The following SRC variants were observed in gnomAD, a reference collection of about 807,000 sequenced individuals.
SRC encodes SRC proto-oncogene, non-receptor tyrosine kinase, also known as proto-oncogene tyrosine-protein kinase Src.
Under a neutral mutation model 62.9 loss-of-function variants are expected in SRC, and 13 were observed. The ratio of observed to expected loss-of-function variants is 0.21; its 90% CI spans 0.13 to 0.33. The LOEUF (loss-of-function observed/expected upper bound fraction) is 0.33. SRC is among the 10% of genes least tolerant of loss of function. The pLI, the probability that SRC is intolerant of heterozygous loss-of-function variation, is 1.00. For missense variants in SRC, 457 were observed against 737.3 expected (o/e 0.62, Z 4.40); for synonymous variants, 302 against 317.5 (o/e 0.95, Z 0.52).
At chr20:37,357,092 G>A (rs925312668) in intron 1 of SRC, among the ~76,000 whole-genome samples, 6 of 152,194 alleles carry the variant, frequency 3.9e-5, no homozygotes, top group Non-Finnish European at 7.4e-5. Flanking sequence ...TGTGGGGGGC[G>A]GCTTCCGGTC....
At chr20:37,376,224 T>C (rs1211766939) in intron 2 of SRC, among the ~76,000 whole-genome samples, 1 of 152,206 alleles carries the variant, frequency 6.6e-6, no homozygotes, top group Non-Finnish European at 1.5e-5. Flanking sequence ...ATGGCACATG[T>C]AGTAGGCATT....
chr20:37,390,388 CTTTTTTTTTTTTTT>C (rs562064689), intron 5 of SRC, among the ~76,000 whole-genome samples: 1 of 85,658 alleles, frequency 1.2e-5, no homozygotes, highest in Non-Finnish European at 2.4e-5. Flanking sequence ...TCTGATCTGG[CTTTTTTTTTTTTTT>C]TTTTTTTTTT....
chr20:37,403,749 A>C lies in SRC; in HGVS notation c.*370A>C. ...ACTCCGCTCACTGAACTCCTTCCCC[A>C]CTTCTGTGCCACCCCCGGTCTATGT... On this transcript the variant is annotated 3_prime_UTR_variant, in exon 14 of 14. Coordinates refer to ENST00000373578, the MANE Select transcript of SRC (RefSeq NM_198291.3). The surrounding 1 kb of genome is among the most constrained non-coding windows in gnomAD (Gnocchi z 7.1). 1 of 310,906 alleles carries C rather than the reference A, an allele frequency of 3.2e-6. No homozygotes were observed. The highest frequency in any genetic ancestry group is 6.1e-6 in the Non-Finnish European group (1 of 164,784). The allele number at this position is 310,906 out of a possible 1,614,324, so 19.3% of individuals were successfully genotyped here.
rs1227842649 is a variant in SRC at position 37,397,172 on chromosome 20, C to CTCT, written c.704-527_704-526insTCT. Among the ~76,000 whole-genome samples the CTCT allele has an allele frequency of 3.9e-5, 6 of 152,186 alleles. No homozygotes were observed. Among genetic ancestry groups the CTCT allele is most frequent in the Non-Finnish European group, 8.8e-5 (6 of 68,028 alleles). On this transcript the variant is annotated intron_variant, in intron 8 of 13. Coordinates refer to ENST00000373578, the MANE Select transcript of SRC (RefSeq NM_198291.3). This position sits in a 1 kb window ranked among gnomAD's most constrained non-coding sequence, Gnocchi z 4.1. ...CTGCTCCCTGCGCCCCTTTGTCCTC[C>CTCT]GCTTCTCCAGCCCTGCAGCTGTTCT...
intron 1 of SRC, among the ~76,000 whole-genome samples, chr20:37,348,619 T>G (rs1266981584): frequency 1.3e-5 from 2 of 151,978 alleles, no homozygotes; most frequent in African/African-American, 4.8e-5. Context: ...AGGGAGCTCT[T>G]TTTTCCCTTC....
intron 2 of SRC, among the ~76,000 whole-genome samples, chr20:37,376,813 T>G (rs1344292988): frequency 6.6e-6 from 1 of 152,192 alleles, no homozygotes; most frequent in East Asian, 1.9e-4. Context: ...CCACCTGTAG[T>G]TTTTGACTGC....
intron 1 of SRC, among the ~76,000 whole-genome samples, chr20:37,360,218 C>CTCTTTTTTT (rs1273945378): frequency 1.9e-5 from 2 of 105,630 alleles, no homozygotes; most frequent in African/African-American, 9.6e-5. Context: ...CTCTCTCTCT[C>CTCTTTTTTT]TTTTTTTTTT....
At chr20:37,388,970 G>C (rs944201154) in intron 5 of SRC, among the ~76,000 whole-genome samples, 3 of 152,124 alleles carry the variant, frequency 2.0e-5, no homozygotes, top group Non-Finnish European at 2.9e-5. Flanking sequence ...CTGTAAGAGT[G>C]GGGGGCTTTC....
intron 1 of SRC, among the ~76,000 whole-genome samples, chr20:37,360,041 T>C (rs1481349227): frequency 6.6e-6 from 1 of 152,018 alleles, no homozygotes; most frequent in East Asian, 1.9e-4. Flanking sequence ...CCTCCACACC[T>C]GTTCTATCCC....
intron 5 of SRC, among the ~76,000 whole-genome samples, chr20:37,391,162 C>T (rs917505940): frequency 7.2e-5 from 11 of 152,222 alleles, no homozygotes; most frequent in Admixed American, 7.2e-4. Context: ...GGCCAGCCTG[C>T]GGACTGCAGC....
At chr20:37,399,695 C>G (rs564672108) in intron 9 of SRC, among the ~76,000 whole-genome samples, 2 of 152,252 alleles carry the variant, frequency 1.3e-5, no homozygotes, top group Admixed American at 6.5e-5. Context: ...CAGGCACGCA[C>G]CACTACCACC....
chr20:37,376,788 C>A (rs975874586), intron 2 of SRC, among the ~76,000 whole-genome samples: 5 of 152,378 alleles, frequency 3.3e-5, no homozygotes, highest in East Asian at 3.9e-4. Flanking sequence ...CAGGCATGAG[C>A]CATTGTGCCC....
Position 37,397,807 on chromosome 20 carries a change from G to T in SRC, c.812G>T (p.Arg271Leu). The T allele has an allele frequency of 6.2e-7, 1 of 1,612,028 alleles. No individual in the cohort carries two copies. The highest frequency in any genetic ancestry group is 2.2e-5 in the East Asian group (1 of 44,862). The change falls in exon 9 of 14, where the codon CGG becomes CTG. Residue 271 changes from arginine (R) to leucine (L), a missense_variant. This residue lies in a region of SRC where 141 missense variants were observed against 198.4 expected (regional missense o/e 0.71). Transcript: ENST00000373578. This position sits in a 1 kb window ranked among gnomAD's most constrained non-coding sequence, Gnocchi z 4.1. ...DAWEIPRESLRLEVKLGQGCF... is the reference protein window; with the variant it reads ...DAWEIPRESLLLEVKLGQGCF... Reference sequence around the variant, plus strand: ...TGGGAGATCCCTCGGGAGTCGCTGCGGCTGGAGGTCAAGCTGGGCCAGGGC... The same window carrying T: ...TGGGAGATCCCTCGGGAGTCGCTGCTGCTGGAGGTCAAGCTGGGCCAGGGC...
chr20:37,368,349 C>T (rs992643877), intron 2 of SRC, among the ~76,000 whole-genome samples: 3 of 151,606 alleles, frequency 2.0e-5, no homozygotes, highest in Non-Finnish European at 4.4e-5. Flanking sequence ...ATTCGGGAGG[C>T]GGAGGTTGCA....
Position 37,405,647 on chromosome 20 carries a change from T to C in SRC, c.*2268T>C, listed in dbSNP as rs2070817709. On this transcript the variant is annotated 3_prime_UTR_variant, in exon 14 of 14. Transcript: ENST00000373578. Reference sequence around the variant, plus strand: ...GCACCTGGGAGAAGGACAAGGCACATCACAGGACTTCCCTGAGCATGACAA... The same window carrying C: ...GCACCTGGGAGAAGGACAAGGCACACCACAGGACTTCCCTGAGCATGACAA... 6.2e-6 allele frequency: 1 copy of C among 162,596 alleles called. No individual in the cohort carries two copies. The highest frequency in any genetic ancestry group is 6.5e-5 in the Admixed American group (1 of 15,496). 10.1% of individuals were successfully genotyped at this position (162,596 alleles called of 1,614,324 possible).
rs1209351409 is a variant in SRC, at chr20:37,356,523, G to C, written c.-246-8681G>C. ...TCTGGGATGGACAGGGGAGTGGTGG[G>C]GGGCAGGGTGGGGAGCTTCTGCCCC... On this transcript the variant is annotated intron_variant, in intron 1 of 13. Transcript: ENST00000373578. Among the ~76,000 whole-genome samples the C allele has an allele frequency of 3.3e-5, 5 of 152,072 alleles. No individual in the cohort carries two copies. In the East Asian group the frequency reaches 9.7e-4, roughly 30 times the overall value.
At chr20:37,389,418 C>T (rs1025836312) in intron 5 of SRC, among the ~76,000 whole-genome samples, 2 of 152,194 alleles carry the variant, frequency 1.3e-5, no homozygotes, top group African/African-American at 2.4e-5. Flanking sequence ...GGGGGCACCT[C>T]GGGAGTCTAG....
At chr20:37,359,502 A>G (rs946580431) in intron 1 of SRC, among the ~76,000 whole-genome samples, 1 of 152,124 alleles carries the variant, frequency 6.6e-6, no homozygotes, top group Non-Finnish European at 1.5e-5. Context: ...AAGGCTTCAC[A>G]CCTCAAAGAA....
chr20:37,403,457 G>A lies in SRC; in HGVS notation c.*78G>A. 2.1e-6 allele frequency: 3 copies of A among 1,425,762 alleles called. No individual in the cohort carries two copies. Among genetic ancestry groups the A allele is most frequent in the Non-Finnish European group, 9.4e-7 (1 of 1,061,342 alleles). The allele number at this position is 1,425,762 out of a possible 1,614,324, so 88.3% of individuals were successfully genotyped here. A position where few individuals can be genotyped will look rare whatever the true frequency, so the allele number is the denominator to read the frequency against. On this transcript the variant is annotated 3_prime_UTR_variant, in exon 14 of 14. Coordinates refer to ENST00000373578, the MANE Select transcript of SRC (RefSeq NM_198291.3). This position sits in a 1 kb window ranked among gnomAD's most constrained non-coding sequence, Gnocchi z 7.1. ...CCTGTCTCGGGGCTTGCCCCACTCT[G>A]CCTGCCTGCTGTTGGTCCTCTCTCT...
Sources: gnomAD v4.1 joint callset for allele counts (sites outside exome capture counted in the v4.1 genomes callset) on GRCh38, gnomAD v4.1.1 for gene constraint, gnomAD v4.1.1 regional missense constraint, Gnocchi (gnomAD v3.1) non-coding constraint, MANE v1.5 for transcripts, NCBI Gene and HGNC (gene_info 2026-07-23, HGNC 2026-07-21) for gene names.